Variants in BAIAP2 observed in about 807,000 individuals in gnomAD.
BAIAP2 encodes the protein BAR/IMD domain-containing adapter protein 2.
BAIAP2 carries 18 observed loss-of-function variants against 63.0 expected under a neutral mutation model. The ratio of observed to expected loss-of-function variants is 0.29; its 90% CI spans 0.20 to 0.42. The LOEUF (loss-of-function observed/expected upper bound fraction) is 0.42, where lower values mean the gene tolerates loss of function less well. BAIAP2 is among the 10% of genes least tolerant of loss of function. The pLI is 1.00. For synonymous variants in BAIAP2, 386 were observed against 307.6 expected (o/e 1.25, Z -2.67); for missense variants, 610 against 734.3 (o/e 0.83, Z 1.96).
intron 7 of BAIAP2, among the ~76,000 whole-genome samples, chr17:81,101,982 G>A (rs1247975774): frequency 6.6e-6 from 1 of 152,230 alleles, no homozygotes; most frequent in African/African-American, 2.4e-5. Flanking sequence ...GTGAGAGCGG[G>A]GCTGTCAGTG....
At chr17:81,043,967 G>C (rs12051877) in intron 1 of BAIAP2, among the ~76,000 whole-genome samples, 1 of 152,152 alleles carries the variant, frequency 6.6e-6, no homozygotes, top group Non-Finnish European at 1.5e-5. Context: ...TGGTGGCCAC[G>C]ATCGCTAGCT....
chr17:81,080,947 C>T (rs1453120201), intron 3 of BAIAP2, among the ~76,000 whole-genome samples: 1 of 152,248 alleles, frequency 6.6e-6, no homozygotes, highest in African/African-American at 2.4e-5. Flanking sequence ...TTGCTGGCCC[C>T]CACGCCAGGA....
At chr17:81,056,299 A>G (rs2049547578) in intron 2 of BAIAP2, 1 of 152,226 alleles carries the variant, frequency 6.6e-6, no homozygotes, top group South Asian at 2.1e-4. Context: ...GCTGGGTCTG[A>G]ATCTTGGCCA....
intron 3 of BAIAP2, among the ~76,000 whole-genome samples, chr17:81,060,660 G>T (rs999651418): frequency 2.6e-5 from 4 of 152,318 alleles, no homozygotes; most frequent in African/African-American, 9.6e-5. Flanking sequence ...TGGAATTGCC[G>T]GGTCAGATGG....
chr17:81,108,459 C>G lies in BAIAP2; in HGVS notation c.1501-16C>G. On this transcript the variant is annotated splice_polypyrimidine_tract_variant and intron_variant, in intron 12 of 13. Transcript: ENST00000428708. ...CCCCGTCACCCGGCCTGACATGTTTCTGCCTCTGCCCCCAGGGCCTGGATG... is the reference window on the plus strand; with the variant it reads ...CCCCGTCACCCGGCCTGACATGTTTGTGCCTCTGCCCCCAGGGCCTGGATG... 6.2e-7 allele frequency: 1 copy of G among 1,613,706 alleles called. No individual in the cohort carries two copies. Among genetic ancestry groups the G allele is most frequent in the South Asian group, 1.1e-5 (1 of 91,090 alleles).
rs142064855 is a variant in BAIAP2, at chr17:81,039,614, G to T, written c.54+4306G>T. Reference sequence around the variant, plus strand: ...ACTGCCCGAGTGGACCTGAGGTTCAGGATTAAAGTGAAGGCTGGTGCTGCC... The same window carrying T: ...ACTGCCCGAGTGGACCTGAGGTTCATGATTAAAGTGAAGGCTGGTGCTGCC... On this transcript the variant is annotated intron_variant, in intron 1 of 13. Coordinates refer to ENST00000428708, the MANE Select transcript of BAIAP2 (RefSeq NM_001144888.2). 4.9e-3 allele frequency among the ~76,000 whole-genome samples: 753 copies of T among 152,326 alleles called. 1 individual carries two copies. Among genetic ancestry groups the T allele is most frequent in the Middle Eastern group, 0.02 (6 of 294 alleles).
intron 3 of BAIAP2, among the ~76,000 whole-genome samples, chr17:81,074,730 G>A (rs1452415103): frequency 3.3e-5 from 5 of 151,792 alleles, no homozygotes; most frequent in Non-Finnish European, 7.4e-5. Flanking sequence ...CTGTGTGCGT[G>A]CACAGATGCG....
chr17:81,067,844 G>T (rs1428651564), intron 3 of BAIAP2, among the ~76,000 whole-genome samples: 1 of 152,240 alleles, frequency 6.6e-6, no homozygotes, highest in African/African-American at 2.4e-5. Flanking sequence ...CCTGTCCCCC[G>T]GTTGGGGCAC....
At chr17:81,043,609 C>T (rs767862866) in intron 1 of BAIAP2, among the ~76,000 whole-genome samples, 15 of 152,210 alleles carry the variant, frequency 9.9e-5, no homozygotes, top group Non-Finnish European at 8.8e-5. Flanking sequence ...CACACTGGAG[C>T]GTCCTGGCAC....
chr17:81,040,977 T>C (rs2046998251), intron 1 of BAIAP2, among the ~76,000 whole-genome samples: 1 of 152,180 alleles, frequency 6.6e-6, no homozygotes, highest in Non-Finnish European at 1.5e-5. Flanking sequence ...AGGAGTCCCC[T>C]CTAGGGGGCA....
chr17:81,087,381 G>A (rs573500939), intron 6 of BAIAP2: 1 of 152,352 alleles, frequency 6.6e-6, no homozygotes, highest in Admixed American at 6.5e-5. Flanking sequence ...CTGCCCGTGT[G>A]CGTGTGTCTG....
intron 6 of BAIAP2, among the ~76,000 whole-genome samples, chr17:81,093,309 C>CA (rs1269787331): frequency 6.6e-6 from 1 of 152,224 alleles, no homozygotes; most frequent in Non-Finnish European, 1.5e-5. Flanking sequence ...GAGGCTTCCT[C>CA]AGCGGCCTGA....
intron 7 of BAIAP2, among the ~76,000 whole-genome samples, chr17:81,102,297 C>G (rs2058599901): frequency 2.0e-5 from 3 of 152,196 alleles, no homozygotes; most frequent in Admixed American, 2.0e-4. Context: ...GCCGCTGTGT[C>G]AGGGCCGTGC....
chr17:81,108,827 G>A (rs530074823), intron 13 of BAIAP2: 47 of 1,332,462 alleles, frequency 3.5e-5, no homozygotes, highest in South Asian at 6.0e-5. Flanking sequence ...TCTGTGCTCC[G>A]CCCTTGTCCT....
chr17:81,036,727 T>G (rs1598463351), intron 1 of BAIAP2: 4 of 711,558 alleles, frequency 5.6e-6, no homozygotes, highest in Non-Finnish European at 9.3e-6. Context: ...GGCCCTGGGG[T>G]TGTTAGGTTT....
chr17:81,035,738 G>A (rs2143128055), intron 1 of BAIAP2, among the ~76,000 whole-genome samples: 1 of 151,518 alleles, frequency 6.6e-6, no homozygotes, highest in South Asian at 2.1e-4. Context: ...CCCAGGGGTT[G>A]CGGCGGCCAG....
intron 3 of BAIAP2, among the ~76,000 whole-genome samples, chr17:81,059,818 C>T (rs1415760568): frequency 1.3e-5 from 2 of 152,234 alleles, no homozygotes; most frequent in Non-Finnish European, 2.9e-5. Flanking sequence ...CAGGTGTCTT[C>T]GCCCCTTGGT....
In BAIAP2 at chr17:81,116,510, C is replaced by CT. The variant is rs2060545443; in HGVS notation, c.*671_*672insT. The CT allele has an allele frequency of 3.0e-6, 2 of 659,904 alleles. No homozygotes were observed. Among genetic ancestry groups the CT allele is most frequent in the South Asian group, 3.9e-5 (2 of 50,634 alleles). 40.9% of individuals were successfully genotyped at this position (659,904 alleles called of 1,614,324 possible). On this transcript the variant is annotated 3_prime_UTR_variant, in exon 14 of 14. Coordinates refer to ENST00000428708, the MANE Select transcript of BAIAP2 (RefSeq NM_001144888.2). The stretch of plus-strand genomic sequence containing the variant: ...AACCTCCCATCCAGAACCTTGCTGC[C>CT]AGGGCCTCCCAGCTCGCTCCTGCGG...
At chr17:81,081,677 C>G (rs2054633709) in intron 3 of BAIAP2, among the ~76,000 whole-genome samples, 1 of 152,198 alleles carries the variant, frequency 6.6e-6, no homozygotes, top group Non-Finnish European at 1.5e-5. Flanking sequence ...GGGGTAGGGC[C>G]CATGTCCTCT....
Sources: allele counts gnomAD v4.1 joint callset (sites outside exome capture counted in the v4.1 genomes callset), GRCh38; gene constraint gnomAD v4.1.1; transcripts MANE v1.5; gene names NCBI Gene and HGNC (gene_info 2026-07-23, HGNC 2026-07-21).